SOX6: variants seen among roughly 807,000 people sequenced by gnomAD.
SOX6 encodes the protein transcription factor SOX-6.
In SOX6, 11 loss-of-function variants were observed where a neutral mutation model predicts 97.8. The ratio of observed to expected loss-of-function variants is 0.11; its 90% CI spans 0.07 to 0.19. The LOEUF (loss-of-function observed/expected upper bound fraction) is 0.19. SOX6 is among the 10% of genes least tolerant of loss of function. The pLI is 1.00. For missense variants in SOX6, 810 were observed against 1,039.5 expected (o/e 0.78, Z 3.04); for synonymous variants, 360 against 371.4 (o/e 0.97, Z 0.35).
chr11:16,287,927 A>G (rs919480920), intron 3 of SOX6, among the ~76,000 whole-genome samples: 2 of 152,186 alleles, frequency 1.3e-5, no homozygotes, highest in African/African-American at 4.8e-5. Flanking sequence ...AATGAAATTT[A>G]AAGTATATTT....
At chr11:16,349,553 T>C (rs142353073) in intron 1 of SOX6, among the ~76,000 whole-genome samples, 401 of 151,576 alleles carry the variant, frequency 2.6e-3, no homozygotes, top group African/African-American at 9.1e-3. Context: ...GAGGTGGAGG[T>C]TGCAGTGAGC....
intron 1 of SOX6, among the ~76,000 whole-genome samples, chr11:16,426,528 A>G (rs2133070714): frequency 6.6e-6 from 1 of 152,268 alleles, no homozygotes. Context: ...CTGATCATTG[A>G]CAAACGTGAC....
chr11:16,099,957 A>G (rs796442482), intron 7 of SOX6, among the ~76,000 whole-genome samples: 15 of 152,020 alleles, frequency 9.9e-5, no homozygotes, highest in African/African-American at 3.4e-4. Flanking sequence ...AATACATTAG[A>G]GCAACAGAGT....
chr11:16,260,222 G>A (rs1322444753), intron 3 of SOX6, among the ~76,000 whole-genome samples: 5 of 151,884 alleles, frequency 3.3e-5, no homozygotes, highest in African/African-American at 7.3e-5. Context: ...CGATGGTCTC[G>A]ATCTCCTGAC....
At chr11:16,188,229 C>CA (rs5789943) in intron 4 of SOX6, among the ~76,000 whole-genome samples, 69,519 of 113,328 alleles carry the variant, frequency 0.61, 19,206 homozygotes, top group East Asian at 0.76. Flanking sequence ...AACTCAGGTC[C>CA]AAAAAAAAAA....
chr11:16,542,704 T>A (rs1012701048), intron 4 of SOX6, among the ~76,000 whole-genome samples: 1 of 152,150 alleles, frequency 6.6e-6, no homozygotes, highest in Non-Finnish European at 1.5e-5. Flanking sequence ...CAGAACCAGT[T>A]ATGCAGCTCC....
chr11:16,666,038 T>C (rs1847804763), intron 3 of SOX6, among the ~76,000 whole-genome samples: 1 of 152,134 alleles, frequency 6.6e-6, no homozygotes, highest in Non-Finnish European at 1.5e-5. Context: ...ACTGAAATCA[T>C]AGCACCCAAG....
At chr11:16,038,419 G>C (rs1855572463) in intron 12 of SOX6, among the ~76,000 whole-genome samples, 1 of 151,940 alleles carries the variant, frequency 6.6e-6, no homozygotes, top group South Asian at 2.1e-4. Flanking sequence ...GGATGGAAAA[G>C]TAGGAAGGAA....
chr11:16,712,287 T>C (rs942324727), intron 3 of SOX6, among the ~76,000 whole-genome samples: 2 of 152,246 alleles, frequency 1.3e-5, no homozygotes, highest in African/African-American at 4.8e-5. Context: ...CTGGATCAAA[T>C]GGTTGTTCTC....
intron 6 of SOX6, among the ~76,000 whole-genome samples, chr11:16,152,660 T>G (rs1850487353): frequency 6.6e-6 from 1 of 152,166 alleles, no homozygotes; most frequent in African/African-American, 2.4e-5. Context: ...TTCCCTCTAC[T>G]TCCTAGCTTC....
chr11:16,136,408 C>CT lies in SOX6; in HGVS notation c.778-24486dup, dbSNP rs959545059. ...CTTAATAGACCACAGTATAGTGTAACTTTTTTTTAAGAGACAAGGTCTCAC... is the reference window on the plus strand; with the variant it reads ...CTTAATAGACCACAGTATAGTGTAACTTTTTTTTTAAGAGACAAGGTCTCAC... On this transcript the variant is annotated intron_variant, in intron 6 of 15. Transcript: ENST00000683767. 4.4e-5 allele frequency among the ~76,000 whole-genome samples: 6 copies of CT among 136,356 alleles called. No homozygotes were observed. The South Asian group carries it at 1.3e-3, about 30-fold the overall frequency. The allele number at this position is 136,356 out of a possible 152,430, so 89.5% of individuals were successfully genotyped here.
intron 3 of SOX6, among the ~76,000 whole-genome samples, chr11:16,639,608 T>A (rs1848859639): frequency 6.6e-6 from 1 of 152,214 alleles, no homozygotes; most frequent in African/African-American, 2.4e-5. Flanking sequence ...TAATTTGTAG[T>A]TCTCCTTGAA....
intron 13 of SOX6, among the ~76,000 whole-genome samples, chr11:15,994,719 G>A (rs1854170372): frequency 6.6e-6 from 1 of 152,160 alleles, no homozygotes; most frequent in Non-Finnish European, 1.5e-5. Flanking sequence ...CATTTTGTCA[G>A]ATAGAATTAA....
chr11:16,258,556 G>T (rs1298883206), intron 3 of SOX6, among the ~76,000 whole-genome samples: 1 of 151,954 alleles, frequency 6.6e-6, no homozygotes, highest in Non-Finnish European at 1.5e-5. Context: ...GGGATTGGGG[G>T]AGGGATGAAT....
intron 1 of SOX6, among the ~76,000 whole-genome samples, chr11:16,378,226 G>A (rs1444450040): frequency 6.6e-6 from 1 of 152,080 alleles, no homozygotes; most frequent in Non-Finnish European, 1.5e-5. Context: ...TTAAAAATGT[G>A]TCCTTAAAGT....
intron 4 of SOX6, among the ~76,000 whole-genome samples, chr11:16,211,547 T>C (rs1852233767): frequency 6.6e-6 from 1 of 152,084 alleles, no homozygotes; most frequent in South Asian, 2.1e-4. Context: ...AGTTACAGGA[T>C]GAAGCTGTCA....
intron 6 of SOX6, among the ~76,000 whole-genome samples, chr11:16,167,285 A>T (rs1473314904): frequency 3.3e-5 from 5 of 151,446 alleles, no homozygotes; most frequent in Non-Finnish European, 7.4e-5. Context: ...TCTCCTTTTC[A>T]CTCTAAATCT....
At chr11:16,328,373 G>C (rs1472902372) in intron 2 of SOX6, among the ~76,000 whole-genome samples, 2 of 152,106 alleles carry the variant, frequency 1.3e-5, no homozygotes, top group Non-Finnish European at 2.9e-5. Flanking sequence ...ATGTAAAGAA[G>C]TTAACACAAT....
chr11:16,355,339 T>G (rs1565108951), intron 1 of SOX6, among the ~76,000 whole-genome samples: 1 of 151,934 alleles, frequency 6.6e-6, no homozygotes, highest in Non-Finnish European at 1.5e-5. Context: ...TCAGAAAAAT[T>G]CAAAAGAAAT....
Sources: gnomAD v4.1 joint callset for allele counts (sites outside exome capture counted in the v4.1 genomes callset) on GRCh38, gnomAD v4.1.1 for gene constraint, MANE v1.5 for transcripts, NCBI Gene and HGNC (gene_info 2026-07-23, HGNC 2026-07-21) for gene names.